The following FBXL17 variants were observed in gnomAD, a reference collection of about 807,000 sequenced individuals.
FBXL17 encodes the protein F-box/LRR-repeat protein 17.
Under a neutral mutation model 66.2 loss-of-function variants are expected in FBXL17, and 22 were observed. That is an observed-to-expected ratio of 0.33 (90% CI 0.24 to 0.47). FBXL17 has a LOEUF of 0.47. Among genes scored for constraint, FBXL17 ranks in the 20% least tolerant of loss-of-function variants. FBXL17 has a pLI of 1.00. For synonymous variants in FBXL17, 474 were observed against 400.5 expected, an observed-to-expected ratio of 1.18 and a Z score of -2.19; for missense variants, 878 against 948.2, an observed-to-expected ratio of 0.93 and a Z score of 0.97.
chr5:107,922,529 A>G (rs1027876916), intron 7 of FBXL17, among the ~76,000 whole-genome samples: 4 of 152,194 alleles, frequency 2.6e-5, no homozygotes, highest in Non-Finnish European at 5.9e-5. Context: ...AGAATGAGAT[A>G]TCTTCAGCAA....
At chr5:107,926,598 T>C (rs1750533692) in intron 7 of FBXL17, among the ~76,000 whole-genome samples, 1 of 151,570 alleles carries the variant, frequency 6.6e-6, no homozygotes, top group Admixed American at 6.6e-5. Context: ...CTCCTACTCA[T>C]CTAGTAGCTG....
At chr5:108,175,587 A>C (rs1752767035) in intron 6 of FBXL17, among the ~76,000 whole-genome samples, 1 of 152,226 alleles carries the variant, frequency 6.6e-6, no homozygotes, top group Non-Finnish European at 1.5e-5. Context: ...GATATACATA[A>C]AACCTTTCCA....
At chr5:108,045,476 C>A (rs1440634760) in intron 6 of FBXL17, among the ~76,000 whole-genome samples, 2 of 150,926 alleles carry the variant, frequency 1.3e-5, no homozygotes, top group African/African-American at 4.8e-5. Flanking sequence ...ATAATAATTT[C>A]TTTCCTTCTG....
At chr5:107,958,869 T>C (rs935404968) in intron 7 of FBXL17, among the ~76,000 whole-genome samples, 1 of 152,206 alleles carries the variant, frequency 6.6e-6, no homozygotes, top group African/African-American at 2.4e-5. Context: ...AAGAAAATAA[T>C]GGAAAAATTA....
At chr5:107,994,706 C>A (rs1214348403) in intron 7 of FBXL17, among the ~76,000 whole-genome samples, 1 of 151,966 alleles carries the variant, frequency 6.6e-6, no homozygotes, top group Non-Finnish European at 1.5e-5. Context: ...GGCGCGGTGG[C>A]AGGTGCCTAT....
chr5:108,241,186 G>C (rs748837405), intron 4 of FBXL17, among the ~76,000 whole-genome samples: 4 of 152,212 alleles, frequency 2.6e-5, no homozygotes, highest in Non-Finnish European at 5.9e-5. Flanking sequence ...TTGTGAGACA[G>C]AGATACGTGA....
rs549037355 is a variant in FBXL17 at position 108,217,254 on chromosome 5, C to T, written c.1614+6867G>A. ...TTTCTTCTTTTGCTTATTAAACTTT[C>T]GCTCTAACCTCACCTTTGACCATGC... On this transcript the variant is annotated intron_variant, in intron 5 of 8. Coordinates refer to ENST00000542267, the MANE Select transcript of FBXL17 (RefSeq NM_001163315.3). 3.2e-4 allele frequency among the ~76,000 whole-genome samples: 49 copies of T among 152,234 alleles called. 2 individuals are homozygous for T. In the South Asian group the frequency reaches 9.5e-3, roughly 30 times the overall value.
intron 4 of FBXL17, among the ~76,000 whole-genome samples, chr5:108,231,638 G>A (rs528126292): frequency 6.6e-6 from 1 of 152,086 alleles, no homozygotes; most frequent in Non-Finnish European, 1.5e-5. Flanking sequence ...ACACAACAAT[G>A]ATTCCATTAA....
At chr5:108,096,666 C>T (rs1303556756) in intron 6 of FBXL17, among the ~76,000 whole-genome samples, 1 of 152,156 alleles carries the variant, frequency 6.6e-6, no homozygotes, top group African/African-American at 2.4e-5. Context: ...ATCAGCTTTT[C>T]TTATTTGTGG....
intron 6 of FBXL17, among the ~76,000 whole-genome samples, chr5:108,153,971 T>C (rs1162620180): frequency 6.6e-6 from 1 of 152,156 alleles, no homozygotes; most frequent in Admixed American, 6.5e-5. Context: ...CTTGTGGCTA[T>C]ATAGGAACTG....
intron 6 of FBXL17, among the ~76,000 whole-genome samples, chr5:108,120,580 C>T (rs1421206805): frequency 6.6e-6 from 1 of 152,094 alleles, no homozygotes; most frequent in East Asian, 1.9e-4. Context: ...TGAATAATCT[C>T]AGCGCTTTGG....
At chr5:108,125,900 T>A (rs1358595905) in intron 6 of FBXL17, among the ~76,000 whole-genome samples, 2 of 152,164 alleles carry the variant, frequency 1.3e-5, no homozygotes, top group African/African-American at 4.8e-5. Context: ...CCTTCTATTT[T>A]CCTGATAAAG....
intron 6 of FBXL17, among the ~76,000 whole-genome samples, chr5:108,135,718 T>A (rs1245495776): frequency 6.6e-6 from 1 of 152,168 alleles, no homozygotes; most frequent in African/African-American, 2.4e-5. Context: ...CTTTTCTTCT[T>A]AATTTTCGAT....
At chr5:108,338,987 C>CCCAA (rs1269913595) in intron 4 of FBXL17, among the ~76,000 whole-genome samples, 2 of 152,088 alleles carry the variant, frequency 1.3e-5, no homozygotes, top group African/African-American at 4.8e-5. Flanking sequence ...CTGACAAAGG[C>CCCAA]CCAAGTGCCA....
At chr5:108,037,643 C>G (rs1411294346) in intron 6 of FBXL17, among the ~76,000 whole-genome samples, 1 of 152,120 alleles carries the variant, frequency 6.6e-6, no homozygotes, top group Non-Finnish European at 1.5e-5. Context: ...GTTCCCAGGA[C>G]CAAATCCAGG....
intron 7 of FBXL17, among the ~76,000 whole-genome samples, chr5:107,958,910 CA>C (rs1751777434): frequency 6.6e-6 from 1 of 152,170 alleles, no homozygotes; most frequent in Non-Finnish European, 1.5e-5. Flanking sequence ...ATAGATCACT[CA>C]TTTTCTTAAA....
intron 4 of FBXL17, among the ~76,000 whole-genome samples, chr5:108,313,989 G>A (rs1759241075): frequency 6.6e-6 from 1 of 151,668 alleles, no homozygotes; most frequent in African/African-American, 2.4e-5. Flanking sequence ...TGAAGATGAT[G>A]GGAGATATTA....
At chr5:108,254,545 A>G (rs971170680) in intron 4 of FBXL17, among the ~76,000 whole-genome samples, 1 of 152,224 alleles carries the variant, frequency 6.6e-6, no homozygotes, top group Non-Finnish European at 1.5e-5. Context: ...CCAAGAGATG[A>G]AATGAACAGT....
chr5:107,920,862 T>C (rs1750296241), intron 7 of FBXL17, among the ~76,000 whole-genome samples: 2 of 152,160 alleles, frequency 1.3e-5, no homozygotes, highest in South Asian at 2.1e-4. Flanking sequence ...CCACTACAAG[T>C]TTCTGCTTTG....
Sources: allele counts gnomAD v4.1 joint callset (sites outside exome capture counted in the v4.1 genomes callset), GRCh38; gene constraint gnomAD v4.1.1; transcripts MANE v1.5; gene names NCBI Gene and HGNC (gene_info 2026-07-23, HGNC 2026-07-21).